Variants in CC2D1A observed in about 807,000 individuals in gnomAD.
CC2D1A encodes coiled-coil and C2 domain containing 1A.
A neutral mutation model predicts 123.8 loss-of-function variants in CC2D1A; 68 were observed. The observed-to-expected ratio is 0.55, with a 90% CI of 0.45 to 0.67. CC2D1A has a LOEUF of 0.67. Among genes scored for constraint, CC2D1A ranks in the 30% least tolerant of loss-of-function variants. The pLI is 0.00. For synonymous variants in CC2D1A, 477 were observed against 528.0 expected, an observed-to-expected ratio of 0.90 and a Z score of 1.32; for missense variants, 1,185 against 1,290.3, an observed-to-expected ratio of 0.92 and a Z score of 1.25.
At chr19:13,928,259 C>A in intron 24 of CC2D1A, 71 bp downstream of exon 24, 1 of 1,352,758 alleles carries the variant, frequency 7.4e-7, no homozygotes, top group East Asian at 2.4e-5. Flanking sequence ...GGACAGTTTC[C>A]CACCAGGCAC....
intron 6 of CC2D1A, 74 bp from the exon 7 acceptor site, chr19:13,917,996 T>A: frequency 6.7e-7 from 1 of 1,484,372 alleles, no homozygotes; most frequent in Non-Finnish European, 9.1e-7. Flanking sequence ...ATTAAATAAA[T>A]AAATAACAAA....
intron 4 of CC2D1A, 111 bp from the exon 5 acceptor site, chr19:13,913,057 C>A (rs1364761482): frequency 8.7e-7 from 1 of 1,150,294 alleles, no homozygotes; most frequent in Non-Finnish European, 1.2e-6. Context: ...CTCACTGGGG[C>A]AGGGGAGGCT....
rs1316241849 is a variant in CC2D1A, at chr19:13,930,280, A to G, written c.2826A>G (p.Val942=). 3.7e-6 allele frequency: 6 copies of G among 1,613,696 alleles called. No homozygotes were observed. The highest frequency in any genetic ancestry group is 5.1e-6 in the Non-Finnish European group (6 of 1,179,812). The change falls in exon 28 of 29, where the codon GTA becomes GTG. Residue 942 remains valine (V), a synonymous_variant. Coordinates refer to ENST00000318003, the MANE Select transcript of CC2D1A (RefSeq NM_017721.5). The surrounding 1 kb of genome is among the most constrained non-coding windows in gnomAD (Gnocchi z 6.8). ...AKEALYRRNL[V]ESELQRLRR is the part of the protein sequence containing the mutation. Reference sequence around the variant, plus strand: ...AGGCGCTCTATAGGCGGAATCTGGTAGAGAGTGAGGTAAGCAGCTTAGGAG... The same window carrying G: ...AGGCGCTCTATAGGCGGAATCTGGTGGAGAGTGAGGTAAGCAGCTTAGGAG...
intron 14 of CC2D1A, among the ~76,000 whole-genome samples, chr19:13,921,974 C>T (rs913132432): frequency 1.3e-5 from 2 of 151,984 alleles, no homozygotes; most frequent in African/African-American, 4.8e-5. Context: ...CCATCAGCTC[C>T]CTTGCCTGGT....
chr19:13,925,407 C>T (rs749600157), intron 17 of CC2D1A, among the ~76,000 whole-genome samples: 37 of 152,110 alleles, frequency 2.4e-4, no homozygotes, highest in Middle Eastern at 3.4e-3. Flanking sequence ...GGTGAAATCC[C>T]GTCTCTACTA....
intron 1 of CC2D1A, among the ~76,000 whole-genome samples, chr19:13,909,234 G>A (rs1443518567): frequency 6.6e-6 from 1 of 152,060 alleles, no homozygotes; most frequent in Non-Finnish European, 1.5e-5. Flanking sequence ...AAATTAGCCG[G>A]GCGTGGTGGC....
Position 13,923,346 on chromosome 19 carries a change from CT to C in CC2D1A, c.1656del (p.Val553SerfsTer39). On this transcript the variant is annotated frameshift_variant, in exon 15 of 29. Coordinates refer to ENST00000318003, the MANE Select transcript of CC2D1A (RefSeq NM_017721.5). LOFTEE classifies it high-confidence loss of function. The surrounding 1 kb of genome is among the most constrained non-coding windows in gnomAD (Gnocchi z 5.3). ...PVDITKVPPA[P>X]VNKDDFALVQ... ...CGTCCTCCCCAGGTGCCGCCTGCCCCTGTCAACAAGGACGACTTTGCCCTGG... is the reference window on the plus strand; with the variant it reads ...CGTCCTCCCCAGGTGCCGCCTGCCCCGTCAACAAGGACGACTTTGCCCTGG... 1 of 1,608,778 alleles carries C rather than the reference CT, an allele frequency of 6.2e-7. No homozygotes were observed. Among genetic ancestry groups the C allele is most frequent in the Non-Finnish European group, 8.5e-7 (1 of 1,179,780 alleles).
At chr19:13,912,209 A>C (rs1349891999) in intron 2 of CC2D1A, 114 bp from the exon 3 acceptor site, 11 of 1,193,688 alleles carry the variant, frequency 9.2e-6, no homozygotes, top group Non-Finnish European at 1.3e-5. Flanking sequence ...TGAATAAGGA[A>C]GAGATGAAAT....
At position 13,930,646 on chromosome 19, in the gene CC2D1A, G is replaced by T. The variant is rs955634551; in HGVS notation, c.*251G>T. The T allele has an allele frequency of 3.7e-6, 2 of 544,158 alleles. No individual in the cohort carries two copies. Among genetic ancestry groups the T allele is most frequent in the Non-Finnish European group, 6.4e-6 (2 of 310,238 alleles). 33.7% of individuals were successfully genotyped at this position (544,158 alleles called of 1,614,324 possible). On this transcript the variant is annotated 3_prime_UTR_variant, in exon 29 of 29. Coordinates refer to ENST00000318003, the MANE Select transcript of CC2D1A (RefSeq NM_017721.5). The surrounding 1 kb of genome is among the most constrained non-coding windows in gnomAD (Gnocchi z 6.8). The stretch of plus-strand genomic sequence containing the variant: ...GAGAGTCCTGTTTGCACAGCCCAGG[G>T]GTGTCCGGCCTCTGGCCCGCCCCGG...
Position 13,913,424 on chromosome 19 carries a change from C to T in CC2D1A, c.534C>T (p.Ala178=). The part of the protein sequence containing the change: ...RGLKTLENLL[A]SIRKGNAIDE... ...CTTAGACACTGGAAAACCTGCTCGC[C>T]TCCATCCGTAAGGGCAATGCCATTG... Residue 178 remains alanine (A), a synonymous_variant, in exon 6 of 29, where the codon GCC becomes GCT. Coordinates refer to ENST00000318003, the MANE Select transcript of CC2D1A (RefSeq NM_017721.5). The T allele has an allele frequency of 6.2e-7, 1 of 1,614,150 alleles. No individual in the cohort carries two copies. The highest frequency in any genetic ancestry group is 8.5e-7 in the Non-Finnish European group (1 of 1,180,032).
At chr19:13,927,781 C>G in intron 22 of CC2D1A, 112 bp from the exon 23 acceptor site, 1 of 1,093,238 alleles carries the variant, frequency 9.1e-7, no homozygotes, top group Non-Finnish European at 1.3e-6. Context: ...GACTCTATCT[C>G]AGAAAAAAAA....
rs542798158 is a variant in CC2D1A, at chr19:13,913,432, G to T, written c.542G>T (p.Arg181Leu). The change falls in exon 6 of 29, where the codon CGT becomes CTT. Residue 181 changes from arginine (R) to leucine (L), a missense_variant. Physicochemically the swap from Arg to Leu is moderately radical, Grantham distance 102. Coordinates refer to ENST00000318003, the MANE Select transcript of CC2D1A (RefSeq NM_017721.5). ...CTGGAAAACCTGCTCGCCTCCATCC[G>T]TAAGGGCAATGCCATTGACGAAGCG... ...KTLENLLASI[R>L]KGNAIDEADI... 6.2e-6 allele frequency: 10 copies of T among 1,614,172 alleles called. No homozygotes were observed. The highest frequency in any genetic ancestry group is 6.8e-6 in the Non-Finnish European group (8 of 1,180,034).
chr19:13,919,181 G>T lies in CC2D1A; in HGVS notation c.1201G>T (p.Ala401Ser). Reference protein sequence around the residue: ...AHKAGRAVDVAELPVPPGFPP... With the variant: ...AHKAGRAVDVSELPVPPGFPP... ...CAAGGCTGGCCGAGCCGTGGATGTC[G>T]CTGAATTGCCCGTGCCCCCAGGTAG... Residue 401 changes from alanine (A) to serine (S), a missense_variant, in exon 11 of 29, where the codon GCT becomes TCT. Ala to Ser is a moderately conservative substitution (Grantham distance 99). Coordinates refer to ENST00000318003, the MANE Select transcript of CC2D1A (RefSeq NM_017721.5). 1.2e-6 allele frequency: 2 copies of T among 1,612,754 alleles called. No individual in the cohort carries two copies. Among genetic ancestry groups the T allele is most frequent in the Non-Finnish European group, 1.7e-6 (2 of 1,179,454 alleles).
chr19:13,928,006 C>T lies in CC2D1A; in HGVS notation c.2430C>T (p.Asp810=). 1 of 1,613,724 alleles carries T rather than the reference C, an allele frequency of 6.2e-7. No homozygotes were observed. Among genetic ancestry groups the T allele is most frequent in the African/African-American group, 1.3e-5 (1 of 75,008 alleles). Residue 810 remains aspartate (D), a synonymous_variant, in exon 23 of 29, where the codon GAC becomes GAT. Coordinates refer to ENST00000318003, the MANE Select transcript of CC2D1A (RefSeq NM_017721.5). ...ETTTERWLVI[D]PVPAAVPTQV... is the part of the protein sequence containing the mutation. ...CGACAGAGAGGTGGCTGGTCATTGA[C>T]CCTGTGCCGGCAGCTGTGCCCACAG...
rs746799066 is a variant in CC2D1A at position 13,912,396 on chromosome 19, G to A, written c.270G>A (p.Glu90=). 2.0e-5 allele frequency: 33 copies of A among 1,613,716 alleles called. No individual in the cohort carries two copies. Among genetic ancestry groups the A allele is most frequent in the Non-Finnish European group, 2.8e-5 (33 of 1,179,846 alleles). ...GAGACCCGGATGAGGATGAGGAGGA[G>A]GGGACGGATGAGGACGACTTGGAGG... ...CMRDPDEDEE[E]GTDEDDLEAD... is the part of the protein sequence containing the mutation. The change falls in exon 3 of 29, where the codon GAG becomes GAA. Residue 90 remains glutamate (E), a synonymous_variant. Coordinates refer to ENST00000318003, the MANE Select transcript of CC2D1A (RefSeq NM_017721.5).
rs894425564 is a variant in CC2D1A, at chr19:13,923,229, G to A, written c.1642-104G>A. 33 of 1,351,204 alleles carry A rather than the reference G, an allele frequency of 2.4e-5. No homozygotes were observed. Among genetic ancestry groups the A allele is most frequent in the Admixed American group, 4.6e-5 (2 of 43,742 alleles). 83.7% of individuals were successfully genotyped at this position (1,351,204 alleles called of 1,614,324 possible). ...AAGACCAGAGAAGGGTGACAGAGCC[G>A]TGGTCAGGGAATGCCCCTCGTCAAG... On this transcript the variant is annotated intron_variant, in intron 14 of 28. Transcript: ENST00000318003. The surrounding 1 kb of genome is among the most constrained non-coding windows in gnomAD (Gnocchi z 5.3).
In CC2D1A at chr19:13,919,208, C is replaced by T; in HGVS notation, c.1222+6C>T. 6.2e-7 allele frequency: 1 copy of T among 1,609,304 alleles called. No homozygotes were observed. Among genetic ancestry groups the T allele is most frequent in the Non-Finnish European group, 8.5e-7 (1 of 1,177,652 alleles). The stretch of plus-strand genomic sequence containing the variant: ...TGAATTGCCCGTGCCCCCAGGTAGG[C>T]CTTGCCCCTGTAGGCCTCGCCCCAG... On this transcript the variant is annotated splice_donor_region_variant and intron_variant, in intron 11 of 28. Transcript: ENST00000318003.
intron 6 of CC2D1A, 77 bp downstream of exon 6, chr19:13,913,715 G>C (rs975414768): frequency 1.5e-5 from 17 of 1,108,908 alleles, no homozygotes; most frequent in Non-Finnish European, 2.0e-5. Context: ...GGGGGGTGCC[G>C]GCTGTGCACT....
chr19:13,919,442 A>G (rs1466662031), intron 11 of CC2D1A, among the ~76,000 whole-genome samples: 2 of 152,222 alleles, frequency 1.3e-5, no homozygotes, highest in Non-Finnish European at 2.9e-5. Flanking sequence ...TCTGCACTGT[A>G]GAAATTGGCA....
Sources: gnomAD v4.1 joint callset for allele counts (sites outside exome capture counted in the v4.1 genomes callset) on GRCh38, gnomAD v4.1.1 for gene constraint, Gnocchi (gnomAD v3.1) non-coding constraint, MANE v1.5 for transcripts, NCBI Gene and HGNC (gene_info 2026-07-23, HGNC 2026-07-21) for gene names.